The following CLU variants were observed in gnomAD, a reference collection of about 807,000 sequenced individuals.
CLU encodes aging-associated protein 4.
In CLU, 25 loss-of-function variants were observed where a neutral mutation model predicts 46.4. The observed-to-expected ratio is 0.54, with a 90% CI of 0.39 to 0.75. The LOEUF is 0.75. Ranked by LOEUF, CLU falls within the 30% of genes least tolerant of loss-of-function variation. The pLI is 0.00. For missense variants in CLU, 504 were observed against 592.1 expected (o/e 0.85, Z 1.54); for synonymous variants, 235 against 235.1 (o/e 1.00, Z 0.00).
intron 2 of CLU, 57 bp downstream of exon 2, chr8:27,610,418 C>A: frequency 7.2e-7 from 1 of 1,392,962 alleles, no homozygotes; most frequent in Non-Finnish European, 1.0e-6. Flanking sequence ...ATTAGCTACC[C>A]TGCCCTCTGA....
Position 27,605,271 on chromosome 8 carries a change from G to A in CLU, c.482C>T (p.Ser161Phe), listed in dbSNP as rs775465384. ...CTGCTGCCGGTCGTTCTCCAGCAGG[G>A]AGTCGATGCGGTCACCATTCATCCA... ...YFWMNGDRID[S>F]LLENDRQQTH... Residue 161 changes from serine (S) to phenylalanine (F), a missense_variant, in exon 5 of 9, where the codon TCC (serine) becomes TTC (phenylalanine). Ser to Phe is a radical substitution (Grantham distance 155). Coordinates refer to ENST00000316403, the MANE Select transcript of CLU (RefSeq NM_001831.4). 3.7e-6 allele frequency: 6 copies of A among 1,614,186 alleles called. No individual in the cohort carries two copies. The East Asian group carries it at 1.1e-4, about 30-fold the overall frequency.
chr8:27,604,258 G>C, intron 6 of CLU, 33 bp downstream of exon 6: 1 of 1,559,350 alleles, frequency 6.4e-7, no homozygotes, highest in Non-Finnish European at 8.8e-7. Flanking sequence ...AAGGGATCAG[G>C]GGGGACGGCT....
At chr8:27,604,514 C>T in intron 5 of CLU, 119 bp from the exon 6 acceptor site, 1 of 890,624 alleles carries the variant, frequency 1.1e-6, no homozygotes, top group Non-Finnish European at 1.8e-6. Flanking sequence ...ACTCTGTTGC[C>T]CAGGCTGGAA....
chr8:27,603,769 C>A (rs527276883), intron 6 of CLU, among the ~76,000 whole-genome samples: 45 of 152,246 alleles, frequency 3.0e-4, no homozygotes, highest in Non-Finnish European at 5.7e-4. Flanking sequence ...ATGTCGGGGT[C>A]AATCTTGGAT....
At chr8:27,606,011 G>T (rs546637478) in intron 4 of CLU, among the ~76,000 whole-genome samples, 88 of 151,898 alleles carry the variant, frequency 5.8e-4, no homozygotes, top group African/African-American at 2.0e-3. Context: ...CTGTACTCCA[G>T]CCTGGGTGAC....
intron 5 of CLU, 68 bp downstream of exon 5, chr8:27,604,856 A>C (rs1800786449): frequency 6.4e-7 from 1 of 1,555,884 alleles, no homozygotes; most frequent in Non-Finnish European, 8.9e-7. Flanking sequence ...ACACCCGCTG[A>C]GCCCTCGGCA....
chr8:27,601,868 A>C (rs1193595355), intron 6 of CLU, among the ~76,000 whole-genome samples: 1 of 152,170 alleles, frequency 6.6e-6, no homozygotes, highest in Non-Finnish European at 1.5e-5. Context: ...AGGCAGGCTG[A>C]TCACTTGAGG....
intron 6 of CLU, among the ~76,000 whole-genome samples, chr8:27,603,332 G>A (rs1161622165): frequency 6.6e-6 from 1 of 152,246 alleles, no homozygotes; most frequent in Non-Finnish European, 1.5e-5. Flanking sequence ...AAGCACAACT[G>A]TTTATTTTGC....
At position 27,600,987 on chromosome 8, in the gene CLU, G is replaced by A. The variant is rs368191758; in HGVS notation, c.935-978C>T. 2.0e-4 allele frequency among the ~76,000 whole-genome samples: 31 copies of A among 152,166 alleles called. 1 individual carries two copies. The East Asian group carries it at 5.6e-3, about 27-fold the overall frequency. On this transcript the variant is annotated intron_variant, in intron 6 of 8. Transcript: ENST00000316403. ...ATCTCTGGGCCCGGGATTGAACCAG[G>A]GTCTTCAGCTCCTAAGCTTGGGCTT...
In CLU at chr8:27,605,051, C is replaced by T. The variant is rs374744284; in HGVS notation, c.702G>A (p.Pro234=). 3.5e-5 allele frequency: 56 copies of T among 1,613,840 alleles called. No homozygotes were observed. Among genetic ancestry groups the T allele is most frequent in the Non-Finnish European group, 4.2e-5 (50 of 1,180,000 alleles). The change falls in exon 5 of 9, where the codon CCG becomes CCA. Residue 234 remains proline, a synonymous_variant. Coordinates refer to ENST00000316403, the MANE Select transcript of CLU (RefSeq NM_001831.4). Reference sequence around the variant, plus strand: ...TGGCGTGGAAGTTCAGGGGCTCGTACGGAGAGAAGGGCATCAAGCTGCGGA... The same window carrying T: ...TGGCGTGGAAGTTCAGGGGCTCGTATGGAGAGAAGGGCATCAAGCTGCGGA... ...RIVRSLMPFS[P]YEPLNFHAMF... is the part of the protein sequence containing the mutation.
At chr8:27,603,782 G>C (rs1391335358) in intron 6 of CLU, among the ~76,000 whole-genome samples, 1 of 152,152 alleles carries the variant, frequency 6.6e-6, no homozygotes. Flanking sequence ...TCTTGGATAA[G>C]TTATTAACCT....
rs1800827313 is a variant in CLU at position 27,606,609 on chromosome 8, C to T, written c.247-85G>A. 12 of 1,551,488 alleles carry T rather than the reference C, an allele frequency of 7.7e-6. No homozygotes were observed. The Admixed American group carries it at 2.0e-4, about 26-fold the overall frequency. The stretch of plus-strand genomic sequence containing the variant: ...GAGCTGCTGGGTGCCAGGCCCTCTG[C>T]CCCAGGGCAGGCCTTCCCATAGGCT... On this transcript the variant is annotated intron_variant, in intron 3 of 8. Coordinates refer to ENST00000316403, the MANE Select transcript of CLU (RefSeq NM_001831.4).
At chr8:27,613,081 G>C (rs988997082) in intron 1 of CLU, among the ~76,000 whole-genome samples, 1 of 152,034 alleles carries the variant, frequency 6.6e-6, no homozygotes, top group Non-Finnish European at 1.5e-5. Flanking sequence ...GGCAGGGCTG[G>C]AGGCTTAAGA....
In CLU at chr8:27,597,280, A is replaced by C. The variant is rs1012522013; in HGVS notation, c.*961T>G. ...TATCAGAGAATGTTAATGAACGAAA[A>C]GCCTGAGCTTTAAGACTGAGATTGG... On this transcript the variant is annotated 3_prime_UTR_variant, in exon 9 of 9. Coordinates refer to ENST00000316403, the MANE Select transcript of CLU (RefSeq NM_001831.4). 6.6e-6 allele frequency: 3 copies of C among 454,446 alleles called. No homozygotes were observed. Among genetic ancestry groups the C allele is most frequent in the Non-Finnish European group, 1.3e-5 (3 of 226,796 alleles). 28.2% of individuals were successfully genotyped at this position (454,446 alleles called of 1,614,324 possible). A position where few individuals can be genotyped will look rare whatever the true frequency, so the allele number is the denominator to read the frequency against.
rs1800688246 is a variant in CLU, at chr8:27,599,912, C to A, written c.1032G>T (p.Leu344=). 2 of 1,614,210 alleles carry A rather than the reference C, an allele frequency of 1.2e-6. No individual in the cohort carries two copies. Among genetic ancestry groups the A allele is most frequent in the African/African-American group, 2.7e-5 (2 of 75,056 alleles). ...GCATCTTCCACTGGTAGGACTTTAG[C>A]AGCTCGTTGTATTTCCTGGTCAACC... ...AERLTRKYNE[L]LKSYQWKMLN... is the part of the protein sequence containing the mutation. The change falls in exon 7 of 9, where the codon CTG becomes CTT. Residue 344 remains leucine, a synonymous_variant. Transcript: ENST00000316403. The surrounding 1 kb of genome is among the most constrained non-coding windows in gnomAD (Gnocchi z 4.0).
chr8:27,597,440 A>C lies in CLU; in HGVS notation c.*801T>G, dbSNP rs9331945. 2.2e-6 allele frequency: 1 copy of C among 454,378 alleles called. No homozygotes were observed. The highest frequency in any genetic ancestry group is 2.4e-5 in the Admixed American group (1 of 42,546). 28.1% of individuals were successfully genotyped at this position (454,378 alleles called of 1,614,324 possible). A position where few individuals can be genotyped will look rare whatever the true frequency, so the allele number is the denominator to read the frequency against. ...CATATAAACCGGCGGTGGACAGGAAATGCCACAGTCAAGAAGATGCCCCTG... is the reference window on the plus strand; with the variant it reads ...CATATAAACCGGCGGTGGACAGGAACTGCCACAGTCAAGAAGATGCCCCTG... On this transcript the variant is annotated 3_prime_UTR_variant, in exon 9 of 9. Transcript: ENST00000316403.
At chr8:27,606,092 GCCAT>G (rs1800816890) in intron 4 of CLU, among the ~76,000 whole-genome samples, 1 of 152,016 alleles carries the variant, frequency 6.6e-6, no homozygotes, top group African/African-American at 2.4e-5. Context: ...ACAGGGCTCT[GCCAT>G]CCCACGAAGC....
intron 6 of CLU, among the ~76,000 whole-genome samples, chr8:27,602,117 A>G (rs993180017): frequency 6.6e-6 from 1 of 151,756 alleles, no homozygotes; most frequent in African/African-American, 2.4e-5. Flanking sequence ...AATAAGAAAA[A>G]TCCTTGAGAG....
chr8:27,602,096 A>C (rs1412007561), intron 6 of CLU, among the ~76,000 whole-genome samples: 1 of 152,134 alleles, frequency 6.6e-6, no homozygotes, highest in African/African-American at 2.4e-5. Flanking sequence ...GTCTTAAAAA[A>C]ATAATAATAA....
Sources: allele counts gnomAD v4.1 joint callset (sites outside exome capture counted in the v4.1 genomes callset), GRCh38; gene constraint gnomAD v4.1.1; non-coding constraint Gnocchi (gnomAD v3.1); transcripts MANE v1.5; gene names NCBI Gene and HGNC (gene_info 2026-07-23, HGNC 2026-07-21).